PRKAG2: variants seen among roughly 807,000 people sequenced by gnomAD.
PRKAG2 encodes protein kinase AMP-activated non-catalytic subunit gamma 2.
A neutral mutation model predicts 69.6 loss-of-function variants in PRKAG2; 26 were observed. The ratio of observed to expected loss-of-function variants is 0.37; its 90% CI spans 0.27 to 0.52. The LOEUF (loss-of-function observed/expected upper bound fraction) is 0.52, where lower values mean the gene tolerates loss of function less well. Ranked by LOEUF, PRKAG2 falls within the 20% of genes least tolerant of loss-of-function variation. The pLI is 0.90. For missense variants in PRKAG2, 557 were observed against 740.0 expected, an observed-to-expected ratio of 0.75 and a Z score of 2.87; for synonymous variants, 293 against 285.0, an observed-to-expected ratio of 1.03 and a Z score of -0.28.
intron 6 of PRKAG2, among the ~76,000 whole-genome samples, chr7:151,585,492 C>T (rs992471192): frequency 2.6e-5 from 4 of 152,096 alleles, no homozygotes; most frequent in East Asian, 1.9e-4. Context: ...AGCACATTCC[C>T]GAGCACGAGC....
chr7:151,636,501 A>G (rs1825758116), intron 4 of PRKAG2, among the ~76,000 whole-genome samples: 1 of 152,170 alleles, frequency 6.6e-6, no homozygotes, highest in Non-Finnish European at 1.5e-5. Context: ...TGACTGCTGA[A>G]CGATACTCTG....
At chr7:151,799,666 C>G (rs757755332) in intron 1 of PRKAG2, among the ~76,000 whole-genome samples, 1 of 152,222 alleles carries the variant, frequency 6.6e-6, no homozygotes, top group Non-Finnish European at 1.5e-5. Flanking sequence ...TCCAGACTGA[C>G]GGGCGCGGAC....
chr7:151,874,138 A>G (rs576611279), intron 1 of PRKAG2, among the ~76,000 whole-genome samples: 3 of 129,760 alleles, frequency 2.3e-5, no homozygotes, highest in Non-Finnish European at 3.3e-5. Flanking sequence ...ATGTATATGT[A>G]TATATGTATA....
intron 6 of PRKAG2, among the ~76,000 whole-genome samples, chr7:151,590,530 C>A (rs1430697363): frequency 6.6e-6 from 1 of 152,210 alleles, no homozygotes; most frequent in Non-Finnish European, 1.5e-5. Context: ...CCGAGCCTCC[C>A]ATGGCAGTGG....
intron 1 of PRKAG2, among the ~76,000 whole-genome samples, chr7:151,874,238 T>C (rs1347645584): frequency 1.8e-5 from 2 of 114,148 alleles, no homozygotes; most frequent in East Asian, 5.5e-4. Flanking sequence ...GTATATGATG[T>C]ATATGTATAT....
chr7:151,809,513 C>T (rs988517504), intron 1 of PRKAG2: 1 of 261,530 alleles, frequency 3.8e-6, no homozygotes, highest in Non-Finnish European at 7.6e-6. Context: ...GCATATCATT[C>T]CTGCTTGCTC....
intron 6 of PRKAG2, among the ~76,000 whole-genome samples, chr7:151,584,535 G>A (rs1165561290): frequency 6.6e-6 from 1 of 152,148 alleles, no homozygotes; most frequent in African/African-American, 2.4e-5. Context: ...AATGGGAAAA[G>A]AATATTAAAG....
In PRKAG2 at chr7:151,565,725, T is replaced by G. The variant is rs1472383441; in HGVS notation, c.1394A>C (p.Glu465Ala). 11 of 1,613,464 alleles carry G rather than the reference T, an allele frequency of 6.8e-6. No individual in the cohort carries two copies. Among genetic ancestry groups the G allele is most frequent in the South Asian group, 1.1e-5 (1 of 91,078 alleles). Reference protein sequence around the residue: ...RRISALPVVDESGKVVDIYSK... With the variant: ...RRISALPVVDASGKVVDIYSK... ...TCAGCGCCAAACACACAAACCTGAC[T>G]CATCCACAACAGGCAGAGCTGATAT... is the stretch of plus-strand genomic sequence containing the variant. The change falls in exon 12 of 16, where the codon GAG (glutamate) becomes GCG (alanine). Residue 465 changes from glutamate to alanine, a missense_variant. Coordinates refer to ENST00000287878, the MANE Select transcript of PRKAG2 (RefSeq NM_016203.4).
intron 2 of PRKAG2, among the ~76,000 whole-genome samples, chr7:151,783,240 G>A (rs1443138532): frequency 6.6e-6 from 1 of 152,272 alleles, no homozygotes; most frequent in East Asian, 1.9e-4. Flanking sequence ...GGTCCGGCCT[G>A]GCGCGGACAC....
intron 6 of PRKAG2, 56 bp downstream of exon 6, chr7:151,595,289 A>T (rs979173719): frequency 4.9e-5 from 61 of 1,247,852 alleles, no homozygotes; most frequent in Admixed American, 2.0e-4. Context: ...ATTACTGTAT[A>T]AAGTAGTAGC....
intron 5 of PRKAG2, among the ~76,000 whole-genome samples, chr7:151,620,503 G>A (rs1345107417): frequency 6.6e-6 from 1 of 151,126 alleles, no homozygotes; most frequent in Non-Finnish European, 1.5e-5. Flanking sequence ...TTTGAGATAA[G>A]GTCTCACTCT....
intron 4 of PRKAG2, among the ~76,000 whole-genome samples, chr7:151,637,899 A>G (rs1826007635): frequency 6.6e-6 from 1 of 152,132 alleles, no homozygotes; most frequent in Non-Finnish European, 1.5e-5. Flanking sequence ...CTTATGCCAG[A>G]CTTAATTTTA....
chr7:151,637,326 TA>T (rs985086698), intron 4 of PRKAG2, among the ~76,000 whole-genome samples: 2 of 152,218 alleles, frequency 1.3e-5, no homozygotes, highest in African/African-American at 4.8e-5. Flanking sequence ...TGCAATAATT[TA>T]AAAAAATTCT....
chr7:151,592,161 T>TA (rs1408659334), intron 6 of PRKAG2, among the ~76,000 whole-genome samples: 1 of 152,204 alleles, frequency 6.6e-6, no homozygotes, highest in Non-Finnish European at 1.5e-5. Flanking sequence ...GGGGAGCTCC[T>TA]TATGAGCCAC....
chr7:151,565,315 G>C, intron 13 of PRKAG2, 31 bp downstream of exon 13: 1 of 1,353,052 alleles, frequency 7.4e-7, no homozygotes, highest in South Asian at 1.3e-5. Flanking sequence ...TGCATTCTAG[G>C]TGACAGATTG....
Position 151,876,489 on chromosome 7 carries a change from C to T in PRKAG2, c.114+18G>A. The T allele has an allele frequency of 1.3e-6, 2 of 1,598,454 alleles. No individual in the cohort carries two copies. Among genetic ancestry groups the T allele is most frequent in the East Asian group, 2.2e-5 (1 of 44,832 alleles). Reference sequence around the variant, plus strand: ...GACAGGAGGGCTGGGGAGCAGGGGACCGAGTGCTGGGACTCACCGGAATGT... The same window carrying T: ...GACAGGAGGGCTGGGGAGCAGGGGATCGAGTGCTGGGACTCACCGGAATGT... On this transcript the variant is annotated intron_variant, in intron 1 of 15. Coordinates refer to ENST00000287878, the MANE Select transcript of PRKAG2 (RefSeq NM_016203.4).
chr7:151,870,157 G>GATAGATAGA (rs1563769271), intron 1 of PRKAG2, among the ~76,000 whole-genome samples: 1,182 of 112,530 alleles, frequency 0.011, 12 homozygotes, highest in Admixed American at 0.015. Context: ...AGATAGATAG[G>GATAGATAGA]CAGGCAGGCA....
rs1042707776 is a variant in PRKAG2 at position 151,719,345 on chromosome 7, G to A, written c.467-43708C>T. 2.0e-5 allele frequency among the ~76,000 whole-genome samples: 3 copies of A among 152,026 alleles called. No individual in the cohort carries two copies. The highest frequency in any genetic ancestry group is 7.2e-5 in the African/African-American group (3 of 41,394). On this transcript the variant is annotated intron_variant, in intron 3 of 15. Transcript: ENST00000287878. This position sits in a 1 kb window ranked among gnomAD's most constrained non-coding sequence, Gnocchi z 5.2. The stretch of plus-strand genomic sequence containing the variant: ...AAGGAGGTAGTCACAGAGACCCACC[G>A]CTCAGGCCTCCTGCTGGGGGAGCTG...
At chr7:151,701,024 C>T (rs776493902) in intron 3 of PRKAG2, among the ~76,000 whole-genome samples, 10 of 152,194 alleles carry the variant, frequency 6.6e-5, no homozygotes, top group East Asian at 1.9e-4. Context: ...GCTGCACACA[C>T]GAGCACCCAG....
Sources: allele counts gnomAD v4.1 joint callset (sites outside exome capture counted in the v4.1 genomes callset), GRCh38; gene constraint gnomAD v4.1.1; non-coding constraint Gnocchi (gnomAD v3.1); transcripts MANE v1.5; gene names NCBI Gene and HGNC (gene_info 2026-07-23, HGNC 2026-07-21).